Variants in CNTNAP2 observed in about 807,000 individuals in gnomAD.
CNTNAP2 encodes contactin associated protein 2, also known as contactin-associated protein-like 2.
CNTNAP2 carries 98 observed loss-of-function variants against 155.2 expected under a neutral mutation model. The observed-to-expected ratio is 0.63, with a 90% confidence interval of 0.54 to 0.75. The LOEUF (loss-of-function observed/expected upper bound fraction) is 0.75. Among genes scored for constraint, CNTNAP2 ranks in the 30% least tolerant of loss-of-function variants. CNTNAP2 has a pLI of 0.00. For missense variants in CNTNAP2, 1,727 were observed against 1,688.1 expected, an observed-to-expected ratio of 1.02 and a Z score of -0.40; for synonymous variants, 651 against 631.2, an observed-to-expected ratio of 1.03 and a Z score of -0.47.
At chr7:147,191,967 A>G (rs1802688750) in intron 8 of CNTNAP2, among the ~76,000 whole-genome samples, 1 of 152,224 alleles carries the variant, frequency 6.6e-6, no homozygotes, top group South Asian at 2.1e-4. Flanking sequence ...GAGTGCCAAC[A>G]CTTTGGGAGT....
At chr7:147,120,799 C>G (rs1182180858) in intron 5 of CNTNAP2, among the ~76,000 whole-genome samples, 180 bp from the exon 6 acceptor site, 1 of 151,758 alleles carries the variant, frequency 6.6e-6, no homozygotes, top group African/African-American at 2.4e-5. Flanking sequence ...CAACCCACAA[C>G]AGTCCCCAGA....
Position 148,420,516 on chromosome 7 carries a change from A to G in CNTNAP2, c.*4900A>G, listed in dbSNP as rs571233927. On this transcript the variant is annotated 3_prime_UTR_variant, in exon 24 of 24. Transcript: ENST00000361727. ...TAAAAATAAATATGGGCACACATGT[A>G]TTAATATACAGCACGCATTTACAAG... The G allele has an allele frequency of 6.6e-6, 1 of 152,232 alleles. No homozygotes were observed. The allele number at this position is 152,232 out of a possible 1,614,324, so 9.4% of individuals were successfully genotyped here.
chr7:147,924,825 A>T (rs978984617), intron 14 of CNTNAP2, among the ~76,000 whole-genome samples: 1 of 152,042 alleles, frequency 6.6e-6, no homozygotes, highest in Non-Finnish European at 1.5e-5. Context: ...AGTCAGAAAG[A>T]AAGAGAATGT....
chr7:148,285,038 A>G (rs1797056320), intron 21 of CNTNAP2, among the ~76,000 whole-genome samples: 1 of 152,246 alleles, frequency 6.6e-6, no homozygotes, highest in South Asian at 2.1e-4. Context: ...GCATGAAAGA[A>G]TTATTCACCT....
chr7:146,536,102 A>T (rs1797864868), intron 1 of CNTNAP2, among the ~76,000 whole-genome samples: 1 of 152,144 alleles, frequency 6.6e-6, no homozygotes, highest in South Asian at 2.1e-4. Flanking sequence ...AAAAGCAGAC[A>T]CATGTGATTC....
At chr7:146,804,678 T>A (rs1479215785) in intron 2 of CNTNAP2, among the ~76,000 whole-genome samples, 2 of 152,132 alleles carry the variant, frequency 1.3e-5, no homozygotes, top group African/African-American at 4.8e-5. Context: ...GAAAAATAAA[T>A]CTTATTGAAG....
intron 17 of CNTNAP2, among the ~76,000 whole-genome samples, chr7:148,164,012 G>A (rs993895700): frequency 2.6e-5 from 4 of 152,190 alleles, no homozygotes; most frequent in African/African-American, 9.7e-5. Context: ...TCGGCTCACT[G>A]TAGCCTCTGC....
intron 10 of CNTNAP2, among the ~76,000 whole-genome samples, chr7:147,468,786 A>G (rs1456831897): frequency 6.6e-6 from 1 of 152,134 alleles, no homozygotes; most frequent in Non-Finnish European, 1.5e-5. Flanking sequence ...ATTATGTAAG[A>G]AAGTAGCAGG....
intron 1 of CNTNAP2, among the ~76,000 whole-genome samples, chr7:146,226,373 C>T (rs1225250213): frequency 6.6e-6 from 1 of 152,018 alleles, no homozygotes; most frequent in Admixed American, 6.6e-5. Context: ...AAAAATTATC[C>T]TAGGGCTAGG....
At chr7:146,726,245 T>G (rs1801429112) in intron 1 of CNTNAP2, among the ~76,000 whole-genome samples, 1 of 152,208 alleles carries the variant, frequency 6.6e-6, no homozygotes, top group African/African-American at 2.4e-5. Flanking sequence ...AGGAACTATT[T>G]AGGGAACAAT....
chr7:148,333,187 G>A (rs151293330), intron 21 of CNTNAP2, among the ~76,000 whole-genome samples: 1,892 of 152,252 alleles, frequency 0.012, 31 homozygotes, highest in African/African-American at 0.043. Flanking sequence ...CAACACTTTG[G>A]GAGGACAAGG....
chr7:147,355,793 T>C (rs745981984), intron 9 of CNTNAP2, among the ~76,000 whole-genome samples: 3 of 151,824 alleles, frequency 2.0e-5, no homozygotes, highest in Non-Finnish European at 4.4e-5. Context: ...GAGGCAGTAA[T>C]TAATCTACCA....
intron 13 of CNTNAP2, among the ~76,000 whole-genome samples, chr7:147,877,697 A>T (rs1799446003): frequency 6.6e-6 from 1 of 152,112 alleles, no homozygotes; most frequent in African/African-American, 2.4e-5. Context: ...CTAATTACAA[A>T]TTAGAGATAC....
chr7:146,635,226 CA>C (rs1247855358), intron 1 of CNTNAP2, among the ~76,000 whole-genome samples: 1 of 152,114 alleles, frequency 6.6e-6, no homozygotes, highest in African/African-American at 2.4e-5. Context: ...AAAATCTAAT[CA>C]TTATTTAAAC....
chr7:147,336,991 C>G (rs1360384338), intron 9 of CNTNAP2, among the ~76,000 whole-genome samples: 1 of 151,868 alleles, frequency 6.6e-6, no homozygotes, highest in East Asian at 1.9e-4. Flanking sequence ...TTTTTTTAAC[C>G]AAAATGTCCT....
At chr7:146,669,666 T>C (rs941860729) in intron 1 of CNTNAP2, among the ~76,000 whole-genome samples, 2 of 152,176 alleles carry the variant, frequency 1.3e-5, no homozygotes, top group Admixed American at 6.5e-5. Flanking sequence ...AGCAGTGCTA[T>C]ATGGATCACA....
chr7:147,250,822 C>T (rs1161260367), intron 8 of CNTNAP2, among the ~76,000 whole-genome samples: 3 of 152,080 alleles, frequency 2.0e-5, no homozygotes, highest in South Asian at 2.1e-4. Context: ...TGAGGGGCTC[C>T]GGCTGAGCAG....
intron 21 of CNTNAP2, among the ~76,000 whole-genome samples, chr7:148,311,968 T>G (rs1358504193): frequency 6.6e-6 from 1 of 152,084 alleles, no homozygotes; most frequent in African/African-American, 2.4e-5. Flanking sequence ...TTGTGGGAGA[T>G]TCAACAAAGA....
At chr7:147,721,843 A>G (rs943611222) in intron 13 of CNTNAP2, among the ~76,000 whole-genome samples, 1 of 152,118 alleles carries the variant, frequency 6.6e-6, no homozygotes, top group Non-Finnish European at 1.5e-5. Flanking sequence ...GCTGTAATCT[A>G]TATACCTCCA....
Sources: allele counts gnomAD v4.1 joint callset (sites outside exome capture counted in the v4.1 genomes callset), GRCh38; gene constraint gnomAD v4.1.1; transcripts MANE v1.5; gene names NCBI Gene and HGNC (gene_info 2026-07-23, HGNC 2026-07-21).